SH2B1: variants seen among roughly 807,000 people sequenced by gnomAD.
SH2B1 encodes SH2B adapter protein 1.
Under a neutral mutation model 62.6 loss-of-function variants are expected in SH2B1, and 15 were observed. That is an observed-to-expected ratio of 0.24 (90% CI 0.16 to 0.37). SH2B1 has a LOEUF of 0.37. Ranked by LOEUF, SH2B1 falls within the 10% of genes least tolerant of loss-of-function variation. The pLI, the probability that SH2B1 is intolerant of heterozygous loss-of-function variation, is 1.00. For synonymous variants in SH2B1, 443 were observed against 438.0 expected (o/e 1.01, Z -0.14); for missense variants, 925 against 1,015.6 (o/e 0.91, Z 1.21).
upstream of SH2B1, among the ~76,000 whole-genome samples, chr16:28,861,093 A>G (rs1290293944): frequency 1.3e-5 from 2 of 150,938 alleles, no homozygotes; most frequent in Non-Finnish European, 3.0e-5. Flanking sequence ...GCTGGGATTG[A>G]TAACAGTGGG....
At chr16:28,859,820 T>A (rs1962397853), upstream of SH2B1, among the ~76,000 whole-genome samples, 2 of 151,450 alleles carry the variant, frequency 1.3e-5, no homozygotes, top group Non-Finnish European at 2.9e-5. Context: ...GCTCCAGCCA[T>A]GCCTGAAGTC....
upstream of SH2B1, chr16:28,863,239 A>C: frequency 6.1e-6 from 1 of 164,174 alleles, no homozygotes; most frequent in African/African-American, 2.4e-5. Context: ...CCCTGACCTC[A>C]TTATTTCTAC....
upstream of SH2B1, among the ~76,000 whole-genome samples, chr16:28,859,558 C>T (rs1287910219): frequency 1.3e-5 from 2 of 152,014 alleles, no homozygotes; most frequent in African/African-American, 4.8e-5. Context: ...TGAAGACAGT[C>T]CAGGGAGCCA....
In SH2B1 at chr16:28,863,860, C is replaced by A; in HGVS notation, c.-2235C>A. The A allele has an allele frequency of 2.6e-6, 4 of 1,525,102 alleles. No individual in the cohort carries two copies. Among genetic ancestry groups the A allele is most frequent in the Non-Finnish European group, 2.6e-6 (3 of 1,141,592 alleles). The allele number at this position is 1,525,102 out of a possible 1,614,324, so 94.5% of individuals were successfully genotyped here. A position where few individuals can be genotyped will look rare whatever the true frequency, so the allele number is the denominator to read the frequency against. ...CCTGCGCGGAACCGGGCTGGGCGCT[C>A]GTCGCGTAGTGGGTGGGGGCGCAGG... On this transcript the variant is annotated 5_prime_UTR_variant, in exon 1 of 8. Coordinates refer to ENST00000684370, the MANE Select transcript of SH2B1 (RefSeq NM_001387430.1).
intron 1 of SH2B1, among the ~76,000 whole-genome samples, chr16:28,858,202 G>C (rs1259733370): frequency 1.3e-5 from 2 of 152,082 alleles, no homozygotes. Flanking sequence ...CCTGCCATGA[G>C]TCACCTCATT....
At position 28,867,539 on chromosome 16, in the gene SH2B1, G is replaced by T. The variant is rs1030512617; in HGVS notation, c.1041+107G>T. On this transcript the variant is annotated intron_variant, in intron 2 of 7. Transcript: ENST00000684370. Reference sequence around the variant, plus strand: ...GAAAGGAGGTATATATATGTGTCCAGTGCCTTGAGAGTGTGTCCCTGGGGC... The same window carrying T: ...GAAAGGAGGTATATATATGTGTCCATTGCCTTGAGAGTGTGTCCCTGGGGC... 26 of 804,338 alleles carry T rather than the reference G, an allele frequency of 3.2e-5. No homozygotes were observed. The African/African-American group carries it at 3.7e-4, about 11-fold the overall frequency. 49.8% of individuals were successfully genotyped at this position (804,338 alleles called of 1,614,324 possible). A position where few individuals can be genotyped will look rare whatever the true frequency, so the allele number is the denominator to read the frequency against.
At chr16:28,870,994 C>CGTGTGT (rs35079060) in intron 4 of SH2B1, among the ~76,000 whole-genome samples, 1,491 of 141,518 alleles carry the variant, frequency 0.011, 15 homozygotes, top group Non-Finnish European at 0.012. Context: ...GCCAGAATTC[C>CGTGTGT]GTGTGTGTGT....
At chr16:28,852,215 TA>T (rs1962118281) in intron 1 of SH2B1, among the ~76,000 whole-genome samples, 5 of 72,468 alleles carry the variant, frequency 6.9e-5, no homozygotes, top group African/African-American at 3.0e-4. Context: ...TACATATATA[TA>T]TTTACATATA....
chr16:28,873,133 A>G lies in SH2B1; in HGVS notation c.1898-314A>G, dbSNP rs370818082. ...CTGATCTCTCCCTTTCCCCTGCCCC[A>G]CCGTCCCATCTGTCCCCACGTTGCC... On this transcript the variant is annotated intron_variant, in intron 7 of 7. Coordinates refer to ENST00000684370, the MANE Select transcript of SH2B1 (RefSeq NM_001387430.1). The surrounding 1 kb of genome is among the most constrained non-coding windows in gnomAD (Gnocchi z 4.2). The G allele has an allele frequency of 1.1e-3, 1,438 of 1,339,360 alleles. 4 individuals carry two copies. Among genetic ancestry groups the G allele is most frequent in the Non-Finnish European group, 1.3e-3 (1,251 of 982,242 alleles). The allele number at this position is 1,339,360 out of a possible 1,614,324, so 83.0% of individuals were successfully genotyped here.
At chr16:28,853,144 A>ATT (rs1491206317) in intron 1 of SH2B1, among the ~76,000 whole-genome samples, 2 of 131,692 alleles carry the variant, frequency 1.5e-5, no homozygotes, top group East Asian at 2.2e-4. Context: ...ATTTATATAA[A>ATT]TATATATAAA....
At chr16:28,847,053 C>T (rs1423555015) in intron 1 of SH2B1, among the ~76,000 whole-genome samples, 5 of 152,166 alleles carry the variant, frequency 3.3e-5, no homozygotes, top group East Asian at 1.9e-4. Context: ...CTCACAGGGC[C>T]AGAGCCCACA....
At chr16:28,858,020 T>A (rs1848227614) in intron 1 of SH2B1, among the ~76,000 whole-genome samples, 1 of 151,526 alleles carries the variant, frequency 6.6e-6, no homozygotes, top group Non-Finnish European at 1.5e-5. Context: ...ATTACAGGCG[T>A]GAGCCACCGC....
chr16:28,870,877 G>C (rs1057038626), intron 4 of SH2B1, among the ~76,000 whole-genome samples: 6 of 152,026 alleles, frequency 3.9e-5, no homozygotes, highest in African/African-American at 1.5e-4. Context: ...GTAAGAGATG[G>C]GGTCTCACCA....
chr16:28,855,817 T>G (rs1463378289), intron 1 of SH2B1, among the ~76,000 whole-genome samples: 1 of 140,822 alleles, frequency 7.1e-6, no homozygotes, highest in South Asian at 2.3e-4. Flanking sequence ...TTTTTTTTTT[T>G]TTTTTTTTTT....
chr16:28,864,571 G>A lies in SH2B1; in HGVS notation c.-1524G>A, dbSNP rs752944741. 29 of 985,634 alleles carry A rather than the reference G, an allele frequency of 2.9e-5. No individual in the cohort carries two copies. Among genetic ancestry groups the A allele is most frequent in the Non-Finnish European group, 3.3e-5 (27 of 830,050 alleles). 61.1% of individuals were successfully genotyped at this position (985,634 alleles called of 1,614,324 possible). A position where few individuals can be genotyped will look rare whatever the true frequency, so the allele number is the denominator to read the frequency against. On this transcript the variant is annotated 5_prime_UTR_variant, in exon 1 of 8. Transcript: ENST00000684370. ...CCCAGGAGGAAGGGGAGGGTTCACC[G>A]ACTTACAGCCTGGCTGTAGGTTTGA... is the stretch of plus-strand genomic sequence containing the variant.
At chr16:28,861,090 T>C (rs115382609), upstream of SH2B1, among the ~76,000 whole-genome samples, 2,227 of 151,918 alleles carry the variant, frequency 0.015, 50 homozygotes, top group African/African-American at 0.051. Flanking sequence ...AGTGCTGGGA[T>C]TGATAACAGT....
At chr16:28,852,334 A>G (rs1365165475) in intron 1 of SH2B1, among the ~76,000 whole-genome samples, 1 of 75,802 alleles carries the variant, frequency 1.3e-5, no homozygotes, top group Non-Finnish European at 2.4e-5. Context: ...ATATTTACAT[A>G]TATATTTACA....
intron 1 of SH2B1, chr16:28,846,895 T>C (rs1410535335): frequency 1.3e-5 from 2 of 154,998 alleles, no homozygotes; most frequent in African/African-American, 4.8e-5. Context: ...TCGCTGAGAC[T>C]TTGTTTTCTA....
intron 1 of SH2B1, 144 bp downstream of exon 1, chr16:28,867,177 T>C (rs1962761684): frequency 7.6e-7 from 1 of 1,312,134 alleles, no homozygotes; most frequent in Non-Finnish European, 1.1e-6. Context: ...CTCTTGGCTC[T>C]GTGTTAGCAG....
Sources: allele counts gnomAD v4.1 joint callset (sites outside exome capture counted in the v4.1 genomes callset), GRCh38; gene constraint gnomAD v4.1.1; non-coding constraint Gnocchi (gnomAD v3.1); transcripts MANE v1.5; gene names NCBI Gene and HGNC (gene_info 2026-07-23, HGNC 2026-07-21).